The following KIAA0586 variants were observed in gnomAD, a reference collection of about 807,000 sequenced individuals.
KIAA0586 encodes the protein protein TALPID3.
In KIAA0586, 144 loss-of-function variants were observed where a neutral mutation model predicts 169.8. That is an observed-to-expected ratio of 0.85 (90% confidence interval 0.74 to 0.97). The LOEUF is 0.97. KIAA0586 is among the 50% of genes least tolerant of loss of function. KIAA0586 has a pLI of 0.00. For synonymous variants in KIAA0586, 625 were observed against 612.4 expected (o/e 1.02, Z -0.30); for missense variants, 1,854 against 1,823.0 (o/e 1.02, Z -0.31).
At chr14:58,518,540 G>A (rs139067153) in intron 29 of KIAA0586, among the ~76,000 whole-genome samples, 1 of 152,226 alleles carries the variant, frequency 6.6e-6, no homozygotes, top group African/African-American at 2.4e-5. Context: ...TCAAAAACTT[G>A]TGTTTTTTAC....
Position 58,488,212 on chromosome 14 carries a change from C to T in KIAA0586, c.3527+103C>T, listed in dbSNP as rs1391105720. 3.3e-6 allele frequency: 3 copies of T among 917,248 alleles called. No homozygotes were observed. In the African/African-American group the frequency reaches 5.0e-5, roughly 15 times the overall value. 56.8% of individuals were successfully genotyped at this position (917,248 alleles called of 1,614,324 possible). A position where few individuals can be genotyped will look rare whatever the true frequency, so the allele number is the denominator to read the frequency against. Reference sequence around the variant, plus strand: ...ATATTATACAAAGCTTTATAAACCACAGACTACCTTATACTTTGAAAGAAA... The same window carrying T: ...ATATTATACAAAGCTTTATAAACCATAGACTACCTTATACTTTGAAAGAAA... On this transcript the variant is annotated intron_variant, in intron 23 of 30. Coordinates refer to ENST00000652326, the MANE Select transcript of KIAA0586 (RefSeq NM_001329943.3).
chr14:58,526,223 C>T (rs1273339929), intron 29 of KIAA0586, among the ~76,000 whole-genome samples: 2 of 152,204 alleles, frequency 1.3e-5, no homozygotes, highest in Non-Finnish European at 2.9e-5. Flanking sequence ...GGACAGACTG[C>T]CTCCTCAAGG....
intron 28 of KIAA0586, among the ~76,000 whole-genome samples, chr14:58,510,526 T>C (rs966539654): frequency 9.2e-5 from 14 of 152,176 alleles, no homozygotes; most frequent in African/African-American, 3.1e-4. Flanking sequence ...CTCTCATACT[T>C]TGTTGATTGG....
chr14:58,470,832 G>T, intron 17 of KIAA0586, 109 bp downstream of exon 17: 3 of 588,232 alleles, frequency 5.1e-6, no homozygotes, highest in African/African-American at 1.9e-5. Flanking sequence ...TAATAATTTA[G>T]ATTTTGAAGA....
chr14:58,536,896 G>A, intron 29 of KIAA0586: 1 of 330,636 alleles, frequency 3.0e-6, no homozygotes, highest in Non-Finnish European at 5.3e-6. Flanking sequence ...AGTCAGCATT[G>A]CTCATTCAAA....
intron 14 of KIAA0586, among the ~76,000 whole-genome samples, chr14:58,465,203 T>C (rs1400066097): frequency 1.3e-5 from 2 of 152,244 alleles, no homozygotes; most frequent in East Asian, 1.9e-4. Flanking sequence ...GAGAGACTAC[T>C]GTATAATGAT....
chr14:58,450,667 T>C lies in KIAA0586; in HGVS notation c.1050T>C (p.Pro350=). The change falls in exon 8 of 31, where the codon CCT becomes CCC. Residue 350 remains proline (P), a synonymous_variant. Coordinates refer to ENST00000652326, the MANE Select transcript of KIAA0586 (RefSeq NM_001329943.3). Reference sequence around the variant, plus strand: ...CACCTCGCAGATTTGCTCCTGTACCTGTTTCAAGGGATGATGAACTATCAA... The same window carrying C: ...CACCTCGCAGATTTGCTCCTGTACCCGTTTCAAGGGATGATGAACTATCAA... The part of the protein sequence containing the change: ...TPAPRRFAPV[P]VSRDDELSKR... 6.2e-7 allele frequency: 1 copy of C among 1,609,122 alleles called. No individual in the cohort carries two copies. Among genetic ancestry groups the C allele is most frequent in the South Asian group, 1.1e-5 (1 of 90,964 alleles).
At position 58,435,216 on chromosome 14, in the gene KIAA0586, C is replaced by T. The variant is rs139617673; in HGVS notation, c.410+2759C>T. On this transcript the variant is annotated intron_variant, in intron 4 of 30. Coordinates refer to ENST00000652326, the MANE Select transcript of KIAA0586 (RefSeq NM_001329943.3). Reference sequence around the variant, plus strand: ...CCAGAGACAGTGCTCTTAACCATTGCGCCACTACAATAATTCATGATCTAT... The same window carrying T: ...CCAGAGACAGTGCTCTTAACCATTGTGCCACTACAATAATTCATGATCTAT... Among the ~76,000 whole-genome samples the T allele has an allele frequency of 2.8e-3, 427 of 152,220 alleles. 4 individuals are homozygous for T. The highest frequency in any genetic ancestry group is 9.8e-3 in the African/African-American group (407 of 41,526).
In KIAA0586 at chr14:58,550,284, C is replaced by G. The variant is rs888572712; in HGVS notation, c.*2352C>G. 1 of 152,324 alleles carries G rather than the reference C, an allele frequency of 6.6e-6. No individual in the cohort carries two copies. Among genetic ancestry groups the G allele is most frequent in the African/African-American group, 2.4e-5 (1 of 41,420 alleles). 9.4% of individuals were successfully genotyped at this position (152,324 alleles called of 1,614,324 possible). A position where few individuals can be genotyped will look rare whatever the true frequency, so the allele number is the denominator to read the frequency against. On this transcript the variant is annotated 3_prime_UTR_variant, in exon 31 of 31. Coordinates refer to ENST00000652326, the MANE Select transcript of KIAA0586 (RefSeq NM_001329943.3). ...AAGTGCTGGGATTACAGGCGTGAGCCACCGCGCCCGGCATTCATCTAGTAT... is the reference window on the plus strand; with the variant it reads ...AAGTGCTGGGATTACAGGCGTGAGCGACCGCGCCCGGCATTCATCTAGTAT...
At chr14:58,477,281 CA>C (rs2041715547) in intron 20 of KIAA0586, 40 bp downstream of exon 20, 1 of 1,074,336 alleles carries the variant, frequency 9.3e-7, no homozygotes, top group South Asian at 1.4e-5. Context: ...TATTAAAAGA[CA>C]AAAGCTTTAG....
In KIAA0586 at chr14:58,442,739, G is replaced by C; in HGVS notation, c.444G>C (p.Lys148Asn). The change falls in exon 5 of 31, where the codon AAG becomes AAC. Residue 148 changes from lysine (K) to asparagine (N), a missense_variant. Coordinates refer to ENST00000652326, the MANE Select transcript of KIAA0586 (RefSeq NM_001329943.3). ...AQSMPVFKEV[K>N]VHLLEDAGIE... ...GCATGCCTGTTTTTAAGGAAGTAAA[G>C]GTACATCTGTTAGAAGATGCAGGCA... 6.3e-7 allele frequency: 1 copy of C among 1,585,088 alleles called. No individual in the cohort carries two copies. Among genetic ancestry groups the C allele is most frequent in the Non-Finnish European group, 8.6e-7 (1 of 1,164,214 alleles).
intron 14 of KIAA0586, chr14:58,463,925 C>T (rs1266626143): frequency 1.9e-5 from 7 of 377,526 alleles, no homozygotes; most frequent in Middle Eastern, 4.9e-4. Context: ...CACCACCAAC[C>T]TGGGCACTGG....
Position 58,450,760 on chromosome 14 carries a change from T to C in KIAA0586, c.1129+14T>C, listed in dbSNP as rs1345316013. 7.2e-6 allele frequency: 11 copies of C among 1,525,782 alleles called. No individual in the cohort carries two copies. Among genetic ancestry groups the C allele is most frequent in the Non-Finnish European group, 9.9e-6 (11 of 1,107,960 alleles). The allele number at this position is 1,525,782 out of a possible 1,614,324, so 94.5% of individuals were successfully genotyped here. On this transcript the variant is annotated intron_variant, in intron 8 of 30. Coordinates refer to ENST00000652326, the MANE Select transcript of KIAA0586 (RefSeq NM_001329943.3). ...CGTGTCACAGAGGTAATAGAGACTT[T>C]TACTAGACCTATCCCAAATTAGGAA...
At chr14:58,510,363 T>G (rs958596289) in intron 28 of KIAA0586, among the ~76,000 whole-genome samples, 1 of 152,122 alleles carries the variant, frequency 6.6e-6, no homozygotes, top group Admixed American at 6.5e-5. Flanking sequence ...GCAAAACTCC[T>G]TCTTGAAAAA....
At chr14:58,554,492 A>G (rs1319585751), downstream of KIAA0586, among the ~76,000 whole-genome samples, 2 of 152,340 alleles carry the variant, frequency 1.3e-5, no homozygotes, top group East Asian at 1.9e-4. Flanking sequence ...CTAAATCTGC[A>G]TGTGACAAAA....
chr14:58,495,806 T>C (rs2043124775), intron 26 of KIAA0586, among the ~76,000 whole-genome samples: 1 of 152,116 alleles, frequency 6.6e-6, no homozygotes, highest in Non-Finnish European at 1.5e-5. Context: ...CTATACTAGG[T>C]ATAAAATCCT....
At chr14:58,473,428 C>G in intron 18 of KIAA0586, among the ~76,000 whole-genome samples, 1 of 152,288 alleles carries the variant, frequency 6.6e-6, no homozygotes, top group East Asian at 1.9e-4. Flanking sequence ...GTAATAAAAA[C>G]TTTAACAATT....
At position 58,437,716 on chromosome 14, in the gene KIAA0586, AAAAAAAAAAAAAAG is replaced by A. The variant is rs565224771; in HGVS notation, c.411-4989_411-4976del. 3.4e-3 allele frequency among the ~76,000 whole-genome samples: 508 copies of A among 151,284 alleles called. 1 individual carries two copies. The highest frequency in any genetic ancestry group is 6.8e-3 in the Middle Eastern group (2 of 292). Reference sequence around the variant, plus strand: ...TGAGATCCTGTCTCAAAAAAAAAAAAAAAAAAAAAAAAAGGCCAAGTTCACAAAAGGGATCCAAG... The same window carrying A: ...TGAGATCCTGTCTCAAAAAAAAAAAAGCCAAGTTCACAAAAGGGATCCAAG... On this transcript the variant is annotated intron_variant, in intron 4 of 30. Transcript: ENST00000652326.
rs1292952460 is a variant in KIAA0586 at position 58,430,693 on chromosome 14, A to C, written c.316A>C (p.Ile106Leu). 6.2e-7 allele frequency: 1 copy of C among 1,602,586 alleles called. No individual in the cohort carries two copies. Among genetic ancestry groups the C allele is most frequent in the South Asian group, 1.1e-5 (1 of 89,562 alleles). The change falls in exon 3 of 31, where the codon ATA (isoleucine) becomes CTA (leucine). Residue 106 changes from isoleucine to leucine, a missense_variant. Ile to Leu is a conservative substitution (Grantham distance 5). Transcript: ENST00000652326. ...VAVQVLPLDK[I>L]EENNKQKAND... Reference sequence around the variant, plus strand: ...AGTGCAAGTGTTGCCTTTGGATAAAATAGAAGAGAACAACAAGCAAAAAGG... The same window carrying C: ...AGTGCAAGTGTTGCCTTTGGATAAACTAGAAGAGAACAACAAGCAAAAAGG...
Sources: allele counts gnomAD v4.1 joint callset (sites outside exome capture counted in the v4.1 genomes callset), GRCh38; gene constraint gnomAD v4.1.1; transcripts MANE v1.5; gene names NCBI Gene and HGNC (gene_info 2026-07-23, HGNC 2026-07-21).